The following NRXN1 variants were observed in gnomAD, a reference collection of about 807,000 sequenced individuals.
The protein encoded by NRXN1 is neurexin 1.
A neutral mutation model predicts 150.9 loss-of-function variants in NRXN1; 39 were observed. The observed-to-expected ratio is 0.26, with a 90% CI of 0.20 to 0.34. The LOEUF (loss-of-function observed/expected upper bound fraction) is 0.34, where lower values mean the gene tolerates loss of function less well. Among genes scored for constraint, NRXN1 ranks in the 10% least tolerant of loss-of-function variants. The pLI is 1.00. For missense variants in NRXN1, 1,815 were observed against 1,949.9 expected (o/e 0.93, Z 1.30); for synonymous variants, 924 against 757.0 (o/e 1.22, Z -3.62).
chr2:50,379,553 A>G (rs1050383179), intron 17 of NRXN1, among the ~76,000 whole-genome samples: 2 of 152,126 alleles, frequency 1.3e-5, no homozygotes, highest in African/African-American at 4.8e-5. Context: ...AGAGAGGGAG[A>G]GAGAGAGAAT....
At chr2:50,779,612 C>CA (rs1438369931) in intron 5 of NRXN1, among the ~76,000 whole-genome samples, 1 of 151,532 alleles carries the variant, frequency 6.6e-6, no homozygotes, top group Admixed American at 6.6e-5. Flanking sequence ...ACTAAAAATA[C>CA]AAAAAATTAG....
At chr2:50,440,225 G>A (rs1275527940) in intron 17 of NRXN1, among the ~76,000 whole-genome samples, 3 of 152,004 alleles carry the variant, frequency 2.0e-5, no homozygotes, top group African/African-American at 7.2e-5. Flanking sequence ...TTAGAAAGGG[G>A]GAAGGAAAAA....
intron 21 of NRXN1, among the ~76,000 whole-genome samples, chr2:50,007,209 A>G (rs1684917717): frequency 1.3e-5 from 2 of 151,530 alleles, no homozygotes; most frequent in Non-Finnish European, 2.9e-5. Context: ...AGCCAGACAT[A>G]GTAGTGCATG....
chr2:50,988,232 G>A (rs557095868), intron 2 of NRXN1, among the ~76,000 whole-genome samples: 34 of 152,016 alleles, frequency 2.2e-4, no homozygotes, highest in African/African-American at 6.7e-4. Context: ...GACTATTCCT[G>A]TGGCATAAAC....
rs1677892870 is a variant in NRXN1 at position 50,610,638 on chromosome 2, GATACATATATATATATATATATAT to G, written c.1320+9360_1320+9383del. On this transcript the variant is annotated intron_variant, in intron 8 of 22. Coordinates refer to ENST00000401669, the MANE Select transcript of NRXN1 (RefSeq NM_001330078.2). ...CAGAGCCTGGCACATACTATAAATAGATACATATATATATATATATATATATATATATATATATATCTGTACAAA... is the reference window on the plus strand; with the variant it reads ...CAGAGCCTGGCACATACTATAAATAGATATATATATATATATCTGTACAAA... Among the ~76,000 whole-genome samples the G allele has an allele frequency of 1.7e-4, 5 of 29,552 alleles. 1 individual carries two copies. The South Asian group carries it at 8.2e-3, about 48-fold the overall frequency. The allele number at this position is 29,552 out of a possible 152,430, so 19.4% of individuals were successfully genotyped here.
In NRXN1 at chr2:51,028,350, T is replaced by G. The variant is rs1259714650; in HGVS notation, c.-77A>C. 2 of 986,972 alleles carry G rather than the reference T, an allele frequency of 2.0e-6. No individual in the cohort carries two copies. The highest frequency in any genetic ancestry group is 2.8e-5 in the East Asian group (1 of 35,308). 61.1% of individuals were successfully genotyped at this position (986,972 alleles called of 1,614,324 possible). A position where few individuals can be genotyped will look rare whatever the true frequency, so the allele number is the denominator to read the frequency against. Reference sequence around the variant, plus strand: ...GGTCCTGGACACCGTGACGAAGAAATAAGGGTCCCGAGAGACAGAAAGGTA... The same window carrying G: ...GGTCCTGGACACCGTGACGAAGAAAGAAGGGTCCCGAGAGACAGAAAGGTA... On this transcript the variant is annotated 5_prime_UTR_variant, in exon 2 of 23. Coordinates refer to ENST00000401669, the MANE Select transcript of NRXN1 (RefSeq NM_001330078.2).
chr2:50,591,586 T>C (rs572689292), intron 8 of NRXN1, among the ~76,000 whole-genome samples: 41 of 152,318 alleles, frequency 2.7e-4, no homozygotes, highest in East Asian at 3.9e-4. Context: ...GCCTATGATT[T>C]CCTTCTTCTT....
In NRXN1 at chr2:50,199,565, CACAT is replaced by C. The variant is rs1180369620; in HGVS notation, c.3546+37220_3546+37223del. Among the ~76,000 whole-genome samples the C allele has an allele frequency of 4.7e-4, 71 of 150,500 alleles. 1 individual carries two copies. Among genetic ancestry groups the C allele is most frequent in the African/African-American group, 1.6e-3 (66 of 40,410 alleles). ...ACACACACACACACACACACACACACACATGCACACTGACATTAATAAGTCAGTA... is the reference window on the plus strand; with the variant it reads ...ACACACACACACACACACACACACACGCACACTGACATTAATAAGTCAGTA... On this transcript the variant is annotated intron_variant, in intron 18 of 22. Transcript: ENST00000401669.
intron 18 of NRXN1, among the ~76,000 whole-genome samples, chr2:50,158,865 C>T (rs1468414057): frequency 6.6e-6 from 1 of 152,024 alleles, no homozygotes; most frequent in African/African-American, 2.4e-5. Flanking sequence ...ATAATTGATT[C>T]TACAATATTA....
intron 17 of NRXN1, among the ~76,000 whole-genome samples, chr2:50,422,035 T>C (rs940752292): frequency 1.3e-5 from 2 of 152,190 alleles, no homozygotes; most frequent in Non-Finnish European, 2.9e-5. Context: ...TAATGAATTA[T>C]CTCTGACCTA....
intron 5 of NRXN1, among the ~76,000 whole-genome samples, chr2:50,650,017 T>C (rs1685378543): frequency 6.6e-6 from 1 of 152,064 alleles, no homozygotes; most frequent in Non-Finnish European, 1.5e-5. Flanking sequence ...CAGCTGTTTC[T>C]GTCTCCCTAT....
intron 21 of NRXN1, among the ~76,000 whole-genome samples, chr2:50,044,978 C>T (rs905035273): frequency 2.0e-5 from 3 of 152,088 alleles, no homozygotes; most frequent in Non-Finnish European, 4.4e-5. Flanking sequence ...CATTGGTTAA[C>T]ACAAGTGCTA....
chr2:50,799,152 G>C (rs1319044885), intron 5 of NRXN1, among the ~76,000 whole-genome samples: 2 of 152,070 alleles, frequency 1.3e-5, no homozygotes, highest in African/African-American at 4.8e-5. Flanking sequence ...AATTTCCTCT[G>C]TTCATTTATA....
chr2:50,347,548 C>T lies in NRXN1; in HGVS notation c.3365-110578G>A. The T allele has an allele frequency of 9.6e-7, 1 of 1,037,576 alleles. No homozygotes were observed. Among genetic ancestry groups the T allele is most frequent in the Non-Finnish European group, 1.2e-6 (1 of 861,156 alleles). 64.3% of individuals were successfully genotyped at this position (1,037,576 alleles called of 1,614,324 possible). A position where few individuals can be genotyped will look rare whatever the true frequency, so the allele number is the denominator to read the frequency against. On this transcript the variant is annotated intron_variant, in intron 17 of 22. Coordinates refer to ENST00000401669, the MANE Select transcript of NRXN1 (RefSeq NM_001330078.2). This position sits in a 1 kb window ranked among gnomAD's most constrained non-coding sequence, Gnocchi z 4.9. ...GCTAGCGCCAGCCTCCCCCGGGCAG[C>T]GCGCGGAGCAGCGGCGCGCATCGCC...
intron 18 of NRXN1, among the ~76,000 whole-genome samples, chr2:50,206,228 TACACACACAC>T (rs66795755): frequency 0.09 from 9,587 of 106,362 alleles, 357 homozygotes; most frequent in Middle Eastern, 0.16. Flanking sequence ...TACACACAAA[TACACACACAC>T]ACACACACAC....
intron 5 of NRXN1, among the ~76,000 whole-genome samples, chr2:50,708,807 T>C (rs551740694): frequency 7.2e-5 from 11 of 152,136 alleles, no homozygotes; most frequent in African/African-American, 2.4e-4. Context: ...AAACTACTCA[T>C]GTAAGGAGCC....
At chr2:50,484,851 T>A (rs2090750178) in intron 15 of NRXN1, among the ~76,000 whole-genome samples, 1 of 151,586 alleles carries the variant, frequency 6.6e-6, no homozygotes, top group Non-Finnish European at 1.5e-5. Flanking sequence ...AGTAGAAAAG[T>A]AGAAGCTTGA....
intron 2 of NRXN1, among the ~76,000 whole-genome samples, chr2:50,975,203 TC>T (rs1695631507): frequency 6.6e-6 from 1 of 152,184 alleles, no homozygotes; most frequent in South Asian, 2.1e-4. Flanking sequence ...TATATTCTTT[TC>T]TTTAAATAAT....
intron 8 of NRXN1, among the ~76,000 whole-genome samples, chr2:50,586,480 C>T (rs558743713): frequency 1.3e-4 from 20 of 151,580 alleles, no homozygotes; most frequent in Non-Finnish European, 2.4e-4. Context: ...TATTGTATAC[C>T]GACCTATAAT....
Sources: allele counts gnomAD v4.1 joint callset (sites outside exome capture counted in the v4.1 genomes callset), GRCh38; gene constraint gnomAD v4.1.1; non-coding constraint Gnocchi (gnomAD v3.1); transcripts MANE v1.5; gene names NCBI Gene and HGNC (gene_info 2026-07-23, HGNC 2026-07-21).